MMP13: variants seen among roughly 807,000 people sequenced by gnomAD.
MMP13 encodes matrix metallopeptidase 13, also known as collagenase 3.
Under a neutral mutation model 52.1 loss-of-function variants are expected in MMP13, and 45 were observed. The ratio of observed to expected loss-of-function variants is 0.86; its 90% CI spans 0.68 to 1.11. MMP13 has a LOEUF of 1.11. MMP13 is among the 50% of genes least tolerant of loss of function. MMP13 has a pLI of 0.00. For synonymous variants in MMP13, 200 were observed against 204.4 expected (o/e 0.98, Z 0.18); for missense variants, 576 against 583.8 (o/e 0.99, Z 0.14).
rs782185609 is a variant in MMP13 at position 102,949,022 on chromosome 11, T to G, written c.1051+3A>C. ...TGTGAGGACTCCTCTGTGGAAAGCTTACCTCTGAAGATGAAGATGAGGTCA... is the reference window on the plus strand; with the variant it reads ...TGTGAGGACTCCTCTGTGGAAAGCTGACCTCTGAAGATGAAGATGAGGTCA... On this transcript the variant is annotated splice_donor_region_variant and intron_variant, in intron 7 of 9. Transcript: ENST00000260302. The surrounding 1 kb of genome is among the most constrained non-coding windows in gnomAD (Gnocchi z 4.2). 3.1e-6 allele frequency: 5 copies of G among 1,613,692 alleles called. No homozygotes were observed. Among genetic ancestry groups the G allele is most frequent in the Non-Finnish European group, 2.5e-6 (3 of 1,179,720 alleles).
At position 102,947,049 on chromosome 11, in the gene MMP13, T is replaced by C. The variant is rs140052233; in HGVS notation, c.1211+842A>G. 4.4e-3 allele frequency among the ~76,000 whole-genome samples: 670 copies of C among 152,330 alleles called. 2 individuals carry two copies. Among genetic ancestry groups the C allele is most frequent in the African/African-American group, 0.016 (651 of 41,560 alleles). On this transcript the variant is annotated intron_variant, in intron 8 of 9. Transcript: ENST00000260302. Reference sequence around the variant, plus strand: ...ATGCTGCCTAAATCTTTACATGTGTTTTAAACATTCCAGCTTCACTCGCCC... The same window carrying C: ...ATGCTGCCTAAATCTTTACATGTGTCTTAAACATTCCAGCTTCACTCGCCC...
chr11:102,944,671 G>A (rs1860468188), intron 9 of MMP13, among the ~76,000 whole-genome samples: 1 of 150,464 alleles, frequency 6.6e-6, no homozygotes, highest in African/African-American at 2.4e-5. Flanking sequence ...CAGTGGCAGT[G>A]ATCTTGGCTC....
At chr11:102,953,144 T>C (rs531395735) in intron 4 of MMP13, among the ~76,000 whole-genome samples, 21 of 152,262 alleles carry the variant, frequency 1.4e-4, no homozygotes, top group South Asian at 1.2e-3. Flanking sequence ...GAAAAATGAA[T>C]CCAGACTTGT....
In MMP13 at chr11:102,952,894, A is replaced by G. The variant is rs1041886777; in HGVS notation, c.638-721T>C. On this transcript the variant is annotated intron_variant, in intron 4 of 9. Transcript: ENST00000260302. This position sits in a 1 kb window ranked among gnomAD's most constrained non-coding sequence, Gnocchi z 4.3. ...AAAAAGAAAATAAAAAACTAAAAGA[A>G]AAATAAGAAGTGCAAGGCAATAGGA... 1.3e-5 allele frequency among the ~76,000 whole-genome samples: 2 copies of G among 152,284 alleles called. No individual in the cohort carries two copies. The highest frequency in any genetic ancestry group is 3.9e-4 in the East Asian group (2 of 5,188).
At position 102,946,107 on chromosome 11, in the gene MMP13, G is replaced by GT. The variant is rs1219950607; in HGVS notation, c.1212-359dup. On this transcript the variant is annotated intron_variant, in intron 8 of 9. Transcript: ENST00000260302. ...ATTAGCTGTTGATCTCTCACTATGT[G>GT]TAAGACAACTTGCACTTACTTGCAC... Among the ~76,000 whole-genome samples, 4 of 152,214 alleles carry GT rather than the reference G, an allele frequency of 2.6e-5. No individual in the cohort carries two copies. The East Asian group carries it at 5.8e-4, about 22-fold the overall frequency.
chr11:102,949,110 TAA>T lies in MMP13; in HGVS notation c.964_965del (p.Leu322AsnfsTer13). ...HPQQVDAELFLTKSFWPELPN... is the reference protein window; with the variant it reads ...HPQQVDAELFXTKSFWPELPN... ...GAAGTTCTGGCCAAAATGATTTCGTTAAAAACAGCTCCGCATCAACCTGCTGA... is the reference window on the plus strand; with the variant it reads ...GAAGTTCTGGCCAAAATGATTTCGTTAAACAGCTCCGCATCAACCTGCTGA... On this transcript the variant is annotated frameshift_variant, in exon 7 of 10. Coordinates refer to ENST00000260302, the MANE Select transcript of MMP13 (RefSeq NM_002427.4). LOFTEE classifies it high-confidence loss of function. The surrounding 1 kb of genome is among the most constrained non-coding windows in gnomAD (Gnocchi z 4.2). 1 of 1,613,760 alleles carries T rather than the reference TAA, an allele frequency of 6.2e-7. No individual in the cohort carries two copies. The highest frequency in any genetic ancestry group is 1.3e-5 in the African/African-American group (1 of 74,974).
In MMP13 at chr11:102,948,140, T is replaced by C. The variant is rs554070724; in HGVS notation, c.1052-90A>G. 1.0e-5 allele frequency: 10 copies of C among 962,938 alleles called. No homozygotes were observed. In the South Asian group the frequency reaches 1.2e-4, roughly 11 times the overall value. 59.6% of individuals were successfully genotyped at this position (962,938 alleles called of 1,614,324 possible). A position where few individuals can be genotyped will look rare whatever the true frequency, so the allele number is the denominator to read the frequency against. ...ATGTGCTTAAAGACAGGCCCACTTT[T>C]ACATTGAGAAATATTAATAAAATAT... is the stretch of plus-strand genomic sequence containing the variant. On this transcript the variant is annotated intron_variant, in intron 7 of 9. Coordinates refer to ENST00000260302, the MANE Select transcript of MMP13 (RefSeq NM_002427.4).
At position 102,955,356 on chromosome 11, in the gene MMP13, G is replaced by A. The variant is rs761873360; in HGVS notation, c.258C>T (p.Asn86=). 3.1e-6 allele frequency: 5 copies of A among 1,613,842 alleles called. No homozygotes were observed. The highest frequency in any genetic ancestry group is 4.2e-6 in the Non-Finnish European group (5 of 1,179,946). ...GLEVTGKLDD[N]TLDVMKKPRC... Reference sequence around the variant, plus strand: ...TTGGCTTTTTCATGACATCTAAGGTGTTATCGTCAAGTTTGCCAGTCACCT... The same window carrying A: ...TTGGCTTTTTCATGACATCTAAGGTATTATCGTCAAGTTTGCCAGTCACCT... The change falls in exon 2 of 10, where the codon AAC becomes AAT. Residue 86 remains asparagine (N), a synonymous_variant. Coordinates refer to ENST00000260302, the MANE Select transcript of MMP13 (RefSeq NM_002427.4). The surrounding 1 kb of genome is among the most constrained non-coding windows in gnomAD (Gnocchi z 4.9).
chr11:102,947,689 G>GTGTT (rs1282696022), intron 8 of MMP13, among the ~76,000 whole-genome samples: 2 of 151,886 alleles, frequency 1.3e-5, no homozygotes, highest in African/African-American at 4.8e-5. Context: ...GTGTGTGTGT[G>GTGTT]TGTGTGTGTG....
chr11:102,945,365 C>A (rs1860485385), intron 9 of MMP13: 1 of 956,044 alleles, frequency 1.0e-6, no homozygotes, highest in Non-Finnish European at 1.4e-6. Context: ...CTGGCAATAT[C>A]CTTGCATTTT....
At chr11:102,954,905 C>T (rs1210385079) in intron 2 of MMP13, among the ~76,000 whole-genome samples, 1 of 152,050 alleles carries the variant, frequency 6.6e-6, no homozygotes, top group African/African-American at 2.4e-5. Flanking sequence ...ATTGATAAAG[C>T]TCAAATAAAT....
chr11:102,948,557 T>C (rs1455023810), intron 7 of MMP13, among the ~76,000 whole-genome samples: 1 of 152,154 alleles, frequency 6.6e-6, no homozygotes, highest in Non-Finnish European at 1.5e-5. Context: ...AATTTGGAAA[T>C]TGGTCATAAT....
At position 102,952,853 on chromosome 11, in the gene MMP13, G is replaced by A. The variant is rs536452530; in HGVS notation, c.638-680C>T. Reference sequence around the variant, plus strand: ...TGCCAATTTTGAGCCTCCTAATGCAGGTATTTCAAACTGGAAAAAAGAAAA... The same window carrying A: ...TGCCAATTTTGAGCCTCCTAATGCAAGTATTTCAAACTGGAAAAAAGAAAA... On this transcript the variant is annotated intron_variant, in intron 4 of 9. Transcript: ENST00000260302. The surrounding 1 kb of genome is among the most constrained non-coding windows in gnomAD (Gnocchi z 4.3). Among the ~76,000 whole-genome samples the A allele has an allele frequency of 2.0e-5, 3 of 152,080 alleles. No homozygotes were observed. The highest frequency in any genetic ancestry group is 7.2e-5 in the African/African-American group (3 of 41,478).
At chr11:102,951,957 A>G (rs1565255145) in intron 5 of MMP13, 55 bp downstream of exon 5, 6 of 1,573,416 alleles carry the variant, frequency 3.8e-6, no homozygotes, top group East Asian at 2.2e-5. Flanking sequence ...AAATAAATGC[A>G]TGGGTTTCTT....
Position 102,952,229 on chromosome 11 carries a change from G to A in MMP13, c.638-56C>T, listed in dbSNP as rs1860625854. On this transcript the variant is annotated intron_variant, in intron 4 of 9. Coordinates refer to ENST00000260302, the MANE Select transcript of MMP13 (RefSeq NM_002427.4). The surrounding 1 kb of genome is among the most constrained non-coding windows in gnomAD (Gnocchi z 4.3). ...AAAGGAATTCCAGTGACCAGGTAAT[G>A]AAAGGAATATCATTTTATCTATCTG... is the stretch of plus-strand genomic sequence containing the variant. 6.3e-7 allele frequency: 1 copy of A among 1,577,474 alleles called. No individual in the cohort carries two copies. The highest frequency in any genetic ancestry group is 1.7e-4 in the Middle Eastern group (1 of 5,968).
At position 102,954,622 on chromosome 11, in the gene MMP13, A is replaced by G; in HGVS notation, c.363-16T>C. The G allele has an allele frequency of 6.2e-7, 1 of 1,612,446 alleles. No homozygotes were observed. Among genetic ancestry groups the G allele is most frequent in the African/African-American group, 1.3e-5 (1 of 74,984 alleles). The stretch of plus-strand genomic sequence containing the variant: ...ATTCACAATTCTATTTAACAGAGAA[A>G]GTTTCAATGAACTTTTTGGAAAGTG... On this transcript the variant is annotated splice_polypyrimidine_tract_variant and intron_variant, in intron 2 of 9. Transcript: ENST00000260302.
In MMP13 at chr11:102,949,247, A is replaced by G; in HGVS notation, c.918-89T>C. 6.6e-7 allele frequency: 1 copy of G among 1,517,692 alleles called. No homozygotes were observed. The allele number at this position is 1,517,692 out of a possible 1,614,324, so 94.0% of individuals were successfully genotyped here. On this transcript the variant is annotated intron_variant, in intron 6 of 9. Transcript: ENST00000260302. This position sits in a 1 kb window ranked among gnomAD's most constrained non-coding sequence, Gnocchi z 4.2. ...GTCACCTCTCTCCACATCAACACAG[A>G]CAAGTTAGATACAACCAATACCTCC...
Position 102,955,559 on chromosome 11 carries a change from A to C in MMP13, c.120+27T>G, listed in dbSNP as rs1860685119. 2.5e-6 allele frequency: 4 copies of C among 1,613,988 alleles called. No individual in the cohort carries two copies. In the East Asian group the frequency reaches 8.9e-5, roughly 36 times the overall value. On this transcript the variant is annotated intron_variant, in intron 1 of 9. Coordinates refer to ENST00000260302, the MANE Select transcript of MMP13 (RefSeq NM_002427.4). The surrounding 1 kb of genome is among the most constrained non-coding windows in gnomAD (Gnocchi z 4.9). ...GACATTTCTGAGATGTACCAACCGC[A>C]TCATCAGGATTGGCAAGATACTCTA...
At position 102,950,075 on chromosome 11, in the gene MMP13, C is replaced by T. The variant is rs782705544; in HGVS notation, c.917+35G>A. ...CAGAAGCAGCTTCACAGATGTTTGT[C>T]GCATACAGACTTTATGAAAGAATCT... On this transcript the variant is annotated intron_variant, in intron 6 of 9. Coordinates refer to ENST00000260302, the MANE Select transcript of MMP13 (RefSeq NM_002427.4). 2.6e-5 allele frequency: 39 copies of T among 1,524,168 alleles called. 1 individual carries two copies. The South Asian group carries it at 3.0e-4, about 12-fold the overall frequency. 94.4% of individuals were successfully genotyped at this position (1,524,168 alleles called of 1,614,324 possible). A position where few individuals can be genotyped will look rare whatever the true frequency, so the allele number is the denominator to read the frequency against.
Sources: gnomAD v4.1 joint callset for allele counts (sites outside exome capture counted in the v4.1 genomes callset) on GRCh38, gnomAD v4.1.1 for gene constraint, Gnocchi (gnomAD v3.1) non-coding constraint, MANE v1.5 for transcripts, NCBI Gene and HGNC (gene_info 2026-07-23, HGNC 2026-07-21) for gene names.